The following MAP3K14 variants were observed in gnomAD, a reference collection of about 807,000 sequenced individuals.
The protein encoded by MAP3K14 is NF-kappa-beta-inducing kinase.
In MAP3K14, 16 loss-of-function variants were observed where a neutral mutation model predicts 99.2. That is an observed-to-expected ratio of 0.16 (90% CI 0.11 to 0.24). MAP3K14 has a LOEUF of 0.24. Ranked by LOEUF, MAP3K14 falls within the 10% of genes least tolerant of loss-of-function variation. The pLI is 1.00. For synonymous variants in MAP3K14, 462 were observed against 492.4 expected, an observed-to-expected ratio of 0.94 and a Z score of 0.82; for missense variants, 784 against 1,208.7, an observed-to-expected ratio of 0.65 and a Z score of 5.21.
intron 11 of MAP3K14, among the ~76,000 whole-genome samples, chr17:45,268,896 C>G (rs1372746944): frequency 6.6e-6 from 1 of 152,110 alleles, no homozygotes; most frequent in Non-Finnish European, 1.5e-5. Flanking sequence ...AGCCAGGTGC[C>G]CCCCCAGAGT....
In MAP3K14 at chr17:45,286,980, C is replaced by T; in HGVS notation, c.603G>A (p.Lys201=). 2 of 1,614,020 alleles carry T rather than the reference C, an allele frequency of 1.2e-6. No homozygotes were observed. The part of the protein sequence containing the change: ...RNTPQFTKPL[K]EPGLGQLCFK... ...AACAGAGTTGCCCAAGGCCTGGTTC[C>T]TTCAGAGGCTTGGTGAACTGCGGGG... is the stretch of plus-strand genomic sequence containing the variant. The change falls in exon 5 of 16, where the codon AAG becomes AAA. Residue 201 remains lysine, a synonymous_variant. Coordinates refer to ENST00000344686, the MANE Select transcript of MAP3K14 (RefSeq NM_003954.5). This position sits in a 1 kb window ranked among gnomAD's most constrained non-coding sequence, Gnocchi z 4.1.
In MAP3K14 at chr17:45,290,680, G is replaced by A. The variant is rs779792890; in HGVS notation, c.66C>T (p.Leu22=). The change falls in exon 2 of 16, where the codon CTC becomes CTT. Residue 22 remains leucine, a synonymous_variant. Coordinates refer to ENST00000344686, the MANE Select transcript of MAP3K14 (RefSeq NM_003954.5). The part of the protein sequence containing the change: ...PGSAVGQQKE[L]PKAKEKTPPL... ...GCGGCGTCTTCTCCTTGGCTTTGGG[G>A]AGTTCCTTCTGCTGCCCCACTGCTG... The A allele has an allele frequency of 4.3e-6, 7 of 1,613,366 alleles. No individual in the cohort carries two copies. Among genetic ancestry groups the A allele is most frequent in the South Asian group, 1.1e-5 (1 of 91,056 alleles).
chr17:45,279,134 T>C (rs1430047691), intron 6 of MAP3K14, among the ~76,000 whole-genome samples: 1 of 152,198 alleles, frequency 6.6e-6, no homozygotes, highest in Non-Finnish European at 1.5e-5. Flanking sequence ...TTTTCTTTGG[T>C]ATTCTTTTTT....
Position 45,286,376 on chromosome 17 carries a change from G to C in MAP3K14, c.1152+55C>G. ...GAGTGACTCTGATAAAGAGAGAAAA[G>C]CATCCCCCAGGTTGCTGGTAGAGGG... On this transcript the variant is annotated intron_variant, in intron 5 of 15. Coordinates refer to ENST00000344686, the MANE Select transcript of MAP3K14 (RefSeq NM_003954.5). The surrounding 1 kb of genome is among the most constrained non-coding windows in gnomAD (Gnocchi z 4.1). 6.7e-7 allele frequency: 1 copy of C among 1,494,924 alleles called. No homozygotes were observed. The allele number at this position is 1,494,924 out of a possible 1,614,324, so 92.6% of individuals were successfully genotyped here.
At position 45,270,194 on chromosome 17, in the gene MAP3K14, G is replaced by A. The variant is rs568112830; in HGVS notation, c.1972+219C>T. Among the ~76,000 whole-genome samples, 14 of 152,286 alleles carry A rather than the reference G, an allele frequency of 9.2e-5. No individual in the cohort carries two copies. The East Asian group carries it at 1.5e-3, about 17-fold the overall frequency. Reference sequence around the variant, plus strand: ...AATGGAAAAAGCACTTCGAGTTTGCGTGTGAGTTTTCTCTTTCCCATCTCC... The same window carrying A: ...AATGGAAAAAGCACTTCGAGTTTGCATGTGAGTTTTCTCTTTCCCATCTCC... On this transcript the variant is annotated intron_variant, in intron 11 of 15. Transcript: ENST00000344686.
chr17:45,298,777 G>C (rs79795624), intron 1 of MAP3K14, among the ~76,000 whole-genome samples: 5,114 of 152,306 alleles, frequency 0.034, 223 homozygotes, highest in African/African-American at 0.097. Context: ...TGAGGAAGAA[G>C]ACACTGTCCC....
Position 45,271,047 on chromosome 17 carries a change from C to A in MAP3K14, c.1821+11G>T, listed in dbSNP as rs755279962. ...CTCCCCCTGTTGGCCATGCTGGGTG[C>A]CGTCACCGACCTTGAGGCAGAGCGG... On this transcript the variant is annotated intron_variant, in intron 10 of 15. Coordinates refer to ENST00000344686, the MANE Select transcript of MAP3K14 (RefSeq NM_003954.5). The A allele has an allele frequency of 2.2e-5, 35 of 1,610,318 alleles. No individual in the cohort carries two copies. Among genetic ancestry groups the A allele is most frequent in the Non-Finnish European group, 2.8e-5 (33 of 1,179,112 alleles).
intron 3 of MAP3K14, among the ~76,000 whole-genome samples, chr17:45,288,057 GGAGCA>G (rs1263269908): frequency 1.3e-5 from 2 of 152,208 alleles, no homozygotes; most frequent in African/African-American, 4.8e-5. Flanking sequence ...GAACAGCTGT[GGAGCA>G]GATCATGGCC....
chr17:45,298,049 A>G (rs1303193228), intron 1 of MAP3K14, among the ~76,000 whole-genome samples: 1 of 152,202 alleles, frequency 6.6e-6, no homozygotes, highest in African/African-American at 2.4e-5. Flanking sequence ...ATGAAAATCT[A>G]GACACCAACA....
chr17:45,311,709 C>T (rs1340279412), intron 1 of MAP3K14, among the ~76,000 whole-genome samples: 1 of 152,200 alleles, frequency 6.6e-6, no homozygotes, highest in Non-Finnish European at 1.5e-5. Context: ...TTTACAATCG[C>T]TGGAGCTCTG....
At chr17:45,270,327 C>A (rs1726461199) in intron 11 of MAP3K14, 86 bp downstream of exon 11, 1 of 1,487,426 alleles carries the variant, frequency 6.7e-7, no homozygotes, top group Non-Finnish European at 9.0e-7. Flanking sequence ...CTGAGGGGTG[C>A]CTTGCTCTGG....
intron 1 of MAP3K14, among the ~76,000 whole-genome samples, chr17:45,309,369 C>A (rs779575412): frequency 1.3e-5 from 2 of 152,246 alleles, no homozygotes; most frequent in African/African-American, 4.8e-5. Context: ...GGCCTCCTCG[C>A]TCCCTCCAGC....
At chr17:45,316,794 G>T (rs1322135950) in intron 1 of MAP3K14, among the ~76,000 whole-genome samples, 166 bp downstream of exon 1, 1 of 151,770 alleles carries the variant, frequency 6.6e-6, no homozygotes, top group East Asian at 1.9e-4. Context: ...GGACCGCTGC[G>T]AGTGGGTTGG....
At chr17:45,299,402 A>G (rs973729081) in intron 1 of MAP3K14, among the ~76,000 whole-genome samples, 119 of 152,322 alleles carry the variant, frequency 7.8e-4, no homozygotes, top group African/African-American at 2.6e-3. Flanking sequence ...AAATAAAAAA[A>G]AAGAAAAAAG....
In MAP3K14 at chr17:45,293,303, C is replaced by T. The variant is rs565298951; in HGVS notation, c.-20-2538G>A. Among the ~76,000 whole-genome samples the T allele has an allele frequency of 9.8e-5, 15 of 152,308 alleles. No homozygotes were observed. In the South Asian group the frequency reaches 1.0e-3, roughly 11 times the overall value. The stretch of plus-strand genomic sequence containing the variant: ...TGTGGGGGCTCTGATAGCCTGTCTC[C>T]GCCTGGCATGGCCCAACGGAGGCTT... On this transcript the variant is annotated intron_variant, in intron 1 of 15. Transcript: ENST00000344686.
At chr17:45,316,207 ACT>A (rs1167921538) in intron 1 of MAP3K14, among the ~76,000 whole-genome samples, 3 of 152,184 alleles carry the variant, frequency 2.0e-5, no homozygotes, top group Non-Finnish European at 4.4e-5. Context: ...GGAAGGAAAC[ACT>A]TTTTCTGAAG....
chr17:45,273,150 C>T (rs746433539), intron 9 of MAP3K14, among the ~76,000 whole-genome samples: 3 of 152,160 alleles, frequency 2.0e-5, no homozygotes, highest in Non-Finnish European at 4.4e-5. Context: ...GCCAACCGTG[C>T]TCAGAGGCGC....
intron 6 of MAP3K14, 129 bp from the exon 7 acceptor site, chr17:45,274,722 T>TG: frequency 8.6e-7 from 1 of 1,166,792 alleles, no homozygotes; most frequent in Non-Finnish European, 1.2e-6. Flanking sequence ...TGCAGGGGCC[T>TG]GGGGGGCCTG....
intron 11 of MAP3K14, chr17:45,268,293 C>T (rs1231383847): frequency 6.6e-6 from 1 of 152,412 alleles, no homozygotes; most frequent in Non-Finnish European, 1.5e-5. Context: ...ATTTCATTTT[C>T]ATTCCTATAA....
Sources: allele counts gnomAD v4.1 joint callset (sites outside exome capture counted in the v4.1 genomes callset), GRCh38; gene constraint gnomAD v4.1.1; non-coding constraint Gnocchi (gnomAD v3.1); transcripts MANE v1.5; gene names NCBI Gene and HGNC (gene_info 2026-07-23, HGNC 2026-07-21).